Variants in CASZ1 observed in about 807,000 individuals in gnomAD.
CASZ1 encodes the protein castor zinc finger 1.
In CASZ1, 28 loss-of-function variants were observed where a neutral mutation model predicts 135.2. The observed-to-expected ratio is 0.21, with a 90% CI of 0.15 to 0.28. The LOEUF (loss-of-function observed/expected upper bound fraction) is 0.28. CASZ1 is among the 10% of genes least tolerant of loss of function. The pLI, the probability that CASZ1 is intolerant of heterozygous loss-of-function variation, is 1.00. For missense variants in CASZ1, 2,161 were observed against 2,453.3 expected (o/e 0.88, Z 2.52); for synonymous variants, 1,068 against 1,073.4 (o/e 0.99, Z 0.10).
rs754732008 is a variant in CASZ1, at chr1:10,665,452, TCTC to T, written c.133_135del (p.Glu45del). The T allele has an allele frequency of 1.2e-6, 2 of 1,610,564 alleles. No individual in the cohort carries two copies. Among genetic ancestry groups the T allele is most frequent in the Admixed American group, 1.7e-5 (1 of 59,994 alleles). ...GTGTGGGAGCCGGCGTCAGCTCGCTTCTCCACCACCACCTGGCGGCTCAGCTTG... is the reference window on the plus strand; with the variant it reads ...GTGTGGGAGCCGGCGTCAGCTCGCTTCACCACCACCTGGCGGCTCAGCTTG... On this transcript the variant is annotated inframe_deletion, in exon 5 of 21. Transcript: ENST00000377022.
rs72860110 is a variant in CASZ1, at chr1:10,688,621, C to A, written c.16+5253G>T. Among the ~76,000 whole-genome samples, 472 of 152,292 alleles carry A rather than the reference C, an allele frequency of 3.1e-3. 1 individual carries two copies. Among genetic ancestry groups the A allele is most frequent in the African/African-American group, 0.011 (448 of 41,564 alleles). On this transcript the variant is annotated intron_variant, in intron 4 of 20. Transcript: ENST00000377022. ...GGCAGACGCTGCCAACACAGGGGCC[C>A]GGGCAGTCCTCATTTCCGTCCCTCT...
intron 1 of CASZ1, among the ~76,000 whole-genome samples, chr1:10,796,054 G>GGGGGT (rs556792204): frequency 2.0e-5 from 3 of 151,826 alleles, no homozygotes; most frequent in African/African-American, 7.3e-5. Context: ...TCTGCTGCTG[G>GGGGGT]GGGGTGGGGT....
At position 10,645,077 on chromosome 1, in the gene CASZ1, G is replaced by A. The variant is rs775480974; in HGVS notation, c.3708C>T (p.Phe1236=). 2 of 1,613,772 alleles carry A rather than the reference G, an allele frequency of 1.2e-6. No individual in the cohort carries two copies. Among genetic ancestry groups the A allele is most frequent in the Non-Finnish European group, 1.7e-6 (2 of 1,179,940 alleles). ...QCLCPNQHCE[F]RMRGHYHCLR... is the part of the protein sequence containing the mutation. Reference sequence around the variant, plus strand: ...GGCAGTGGTAGTGCCCACGCATTCGGAACTCGCAGTGCTGCAGGGAGACAC... The same window carrying A: ...GGCAGTGGTAGTGCCCACGCATTCGAAACTCGCAGTGCTGCAGGGAGACAC... The change falls in exon 18 of 21, where the codon TTC becomes TTT. Residue 1236 remains phenylalanine, a synonymous_variant. Transcript: ENST00000377022.
chr1:10,698,470 CA>C (rs1401972607), intron 3 of CASZ1, among the ~76,000 whole-genome samples: 1 of 152,080 alleles, frequency 6.6e-6, no homozygotes, highest in Admixed American at 6.5e-5. Context: ...TAAAGCCTAT[CA>C]GAGATTTTAA....
rs1557448949 is a variant in CASZ1 at position 10,638,184 on chromosome 1, A to AT, written c.*757dup. Reference sequence around the variant, plus strand: ...GTACAACTTTCTTGTATTTTTTTCCATTTTGAACATTAAAGCCAAAACCAG... The same window carrying AT: ...GTACAACTTTCTTGTATTTTTTTCCATTTTTGAACATTAAAGCCAAAACCAG... On this transcript the variant is annotated 3_prime_UTR_variant, in exon 21 of 21. Coordinates refer to ENST00000377022, the MANE Select transcript of CASZ1 (RefSeq NM_001079843.3). The surrounding 1 kb of genome is among the most constrained non-coding windows in gnomAD (Gnocchi z 5.9). 1 of 152,380 alleles carries AT rather than the reference A, an allele frequency of 6.6e-6. No homozygotes were observed. Among genetic ancestry groups the AT allele is most frequent in the Admixed American group, 6.5e-5 (1 of 15,280 alleles). 9.4% of individuals were successfully genotyped at this position (152,380 alleles called of 1,614,324 possible).
intron 2 of CASZ1, among the ~76,000 whole-genome samples, chr1:10,718,863 TTTTTC>T (rs531459943): frequency 6.6e-6 from 1 of 152,188 alleles, no homozygotes; most frequent in Non-Finnish European, 1.5e-5. Flanking sequence ...TGCCTCTTTC[TTTTTC>T]TTTTCTTTTC....
In CASZ1 at chr1:10,679,483, T is replaced by C. The variant is rs12059484; in HGVS notation, c.17-13912A>G. 0.079 allele frequency among the ~76,000 whole-genome samples: 11,959 copies of C among 152,206 alleles called. 678 individuals are homozygous for C. Among genetic ancestry groups the C allele is most frequent in the East Asian group, 0.15 (760 of 5,154 alleles). On this transcript the variant is annotated intron_variant, in intron 4 of 20. Coordinates refer to ENST00000377022, the MANE Select transcript of CASZ1 (RefSeq NM_001079843.3). The surrounding 1 kb of genome is among the most constrained non-coding windows in gnomAD (Gnocchi z 4.7). ...GGATGACTCGGGCCAGCTGTCTCGA[T>C]GGTGCTACCAAGCAATGTAGCAGCC...
chr1:10,716,053 C>G (rs1172404088), intron 2 of CASZ1, among the ~76,000 whole-genome samples: 3 of 145,804 alleles, frequency 2.1e-5, no homozygotes, highest in Non-Finnish European at 4.5e-5. Flanking sequence ...AGCACCCAAT[C>G]CGCACCCCAC....
At position 10,727,625 on chromosome 1, in the gene CASZ1, A is replaced by G. The variant is rs1284222734; in HGVS notation, c.-76-22081T>C. ...AAAACCCCTTTCCCAAGGTGCCAGG[A>G]GTTACAATAGGAACTTCTGCCTTCC... On this transcript the variant is annotated intron_variant, in intron 2 of 20. Transcript: ENST00000377022. The surrounding 1 kb of genome is among the most constrained non-coding windows in gnomAD (Gnocchi z 5.3). Among the ~76,000 whole-genome samples the G allele has an allele frequency of 6.6e-6, 1 of 152,134 alleles. No individual in the cohort carries two copies. The highest frequency in any genetic ancestry group is 1.5e-5 in the Non-Finnish European group (1 of 68,014).
chr1:10,712,512 C>T (rs952829986), intron 2 of CASZ1, among the ~76,000 whole-genome samples: 3 of 152,148 alleles, frequency 2.0e-5, no homozygotes, highest in Admixed American at 2.0e-4. Flanking sequence ...CATGTGGCAG[C>T]TCAGGGCAGG....
chr1:10,792,947 T>A (rs1353050512), intron 1 of CASZ1, among the ~76,000 whole-genome samples: 4 of 152,012 alleles, frequency 2.6e-5, no homozygotes, highest in Non-Finnish European at 5.9e-5. Context: ...CTAAAACAGA[T>A]GGTCAGGATC....
intron 1 of CASZ1, among the ~76,000 whole-genome samples, chr1:10,765,127 G>A (rs546842018): frequency 1.3e-5 from 2 of 152,276 alleles, no homozygotes; most frequent in African/African-American, 2.4e-5. Context: ...CCACGGAGAC[G>A]CGGGATTGGG....
At chr1:10,683,590 C>T (rs905176299) in intron 4 of CASZ1, among the ~76,000 whole-genome samples, 11 of 152,214 alleles carry the variant, frequency 7.2e-5, no homozygotes, top group African/African-American at 2.7e-4. Flanking sequence ...GCATCGTGAA[C>T]CTGTCTCCTA....
At chr1:10,684,249 GAT>G (rs35507488) in intron 4 of CASZ1, among the ~76,000 whole-genome samples, 5,760 of 152,102 alleles carry the variant, frequency 0.038, 378 homozygotes, top group African/African-American at 0.13. Context: ...TCTGGACTGT[GAT>G]ATGTTTGGGG....
chr1:10,721,269 C>T lies in CASZ1; in HGVS notation c.-76-15725G>A, dbSNP rs1189893662. On this transcript the variant is annotated intron_variant, in intron 2 of 20. Transcript: ENST00000377022. This position sits in a 1 kb window ranked among gnomAD's most constrained non-coding sequence, Gnocchi z 5.4. ...AATTTCTACTGCTCCTATCACCTAC[C>T]TCCCCCACCCCCTGATCTTAGGGAA... 6.6e-6 allele frequency among the ~76,000 whole-genome samples: 1 copy of T among 152,058 alleles called. No individual in the cohort carries two copies. The highest frequency in any genetic ancestry group is 1.5e-5 in the Non-Finnish European group (1 of 68,014).
chr1:10,644,838 G>A, intron 18 of CASZ1, 79 bp downstream of exon 18: 1 of 1,470,292 alleles, frequency 6.8e-7, no homozygotes, highest in Non-Finnish European at 9.3e-7. Flanking sequence ...GCGGGTACCA[G>A]GAGAGGCGGC....
chr1:10,659,601 G>T, intron 6 of CASZ1, 101 bp downstream of exon 6: 1 of 875,938 alleles, frequency 1.1e-6, no homozygotes, highest in Non-Finnish European at 1.9e-6. Flanking sequence ...AGGTGTGAGC[G>T]GCAGGTGTGT....
At chr1:10,678,047 T>C (rs1260081404) in intron 4 of CASZ1, among the ~76,000 whole-genome samples, 3 of 152,042 alleles carry the variant, frequency 2.0e-5, no homozygotes, top group Non-Finnish European at 4.4e-5. Context: ...GACCTTCCAA[T>C]GTGTGTTGAT....
rs1436235869 is a variant in CASZ1, at chr1:10,697,202, A to G, written c.-23-3290T>C. On this transcript the variant is annotated intron_variant, in intron 3 of 20. Transcript: ENST00000377022. This position sits in a 1 kb window ranked among gnomAD's most constrained non-coding sequence, Gnocchi z 4.7. ...GGAGGCTTCGAGGTTGTGGGGTATG[A>G]GTCAGAGGCTGTGTCATGGAGGGGC... Among the ~76,000 whole-genome samples the G allele has an allele frequency of 6.6e-6, 1 of 152,158 alleles. No individual in the cohort carries two copies. Among genetic ancestry groups the G allele is most frequent in the Non-Finnish European group, 1.5e-5 (1 of 68,026 alleles).
Sources: allele counts gnomAD v4.1 joint callset (sites outside exome capture counted in the v4.1 genomes callset), GRCh38; gene constraint gnomAD v4.1.1; non-coding constraint Gnocchi (gnomAD v3.1); transcripts MANE v1.5; gene names NCBI Gene and HGNC (gene_info 2026-07-23, HGNC 2026-07-21).